Variants in NAV3 observed in about 807,000 individuals in gnomAD.
NAV3 encodes the protein pore membrane and/or filament interacting like protein 1.
In NAV3, 87 loss-of-function variants were observed where a neutral mutation model predicts 244.7. The observed-to-expected ratio is 0.36, with a 90% confidence interval of 0.30 to 0.42. The LOEUF is 0.42. Among genes scored for constraint, NAV3 ranks in the 20% least tolerant of loss-of-function variants. NAV3 has a pLI of 1.00. For synonymous variants in NAV3, 1,126 were observed against 1,042.2 expected (o/e 1.08, Z -1.55); for missense variants, 2,663 against 2,893.3 (o/e 0.92, Z 1.83).
intron 23 of NAV3, 75 bp from the exon 24 acceptor site, chr12:78,168,680 T>C (rs1184466591): frequency 5.3e-6 from 5 of 942,962 alleles, no homozygotes; most frequent in Non-Finnish European, 8.0e-6. Context: ...TCAAACCTTT[T>C]TAATTCAACT....
chr12:78,129,511 C>T (rs1956070502), intron 18 of NAV3, among the ~76,000 whole-genome samples: 1 of 152,068 alleles, frequency 6.6e-6, no homozygotes, highest in Non-Finnish European at 1.5e-5. Flanking sequence ...TTGTATTTAA[C>T]ATCATTTGTA....
At chr12:78,027,131 C>T (rs1305072973) in intron 9 of NAV3, among the ~76,000 whole-genome samples, 1 of 152,090 alleles carries the variant, frequency 6.6e-6, no homozygotes, top group Admixed American at 6.6e-5. Flanking sequence ...GATTTTAAGA[C>T]AGCACATTAG....
intron 2 of NAV3, among the ~76,000 whole-genome samples, chr12:77,771,110 A>T (rs1870058280): frequency 6.6e-6 from 1 of 152,246 alleles, no homozygotes; most frequent in Non-Finnish European, 1.5e-5. Context: ...GAAGGATATG[A>T]ACAGACACTT....
chr12:77,965,910 G>T (rs886559351), intron 3 of NAV3, among the ~76,000 whole-genome samples: 4 of 152,224 alleles, frequency 2.6e-5, no homozygotes, highest in African/African-American at 9.6e-5. Context: ...ATCTCAGTCT[G>T]TATGGATGCT....
intron 20 of NAV3, among the ~76,000 whole-genome samples, chr12:78,142,521 C>T (rs2139107519): frequency 6.6e-6 from 1 of 151,302 alleles, no homozygotes; most frequent in South Asian, 2.1e-4. Context: ...TTGGATAGTG[C>T]AAGTTTATAG....
chr12:77,697,993 ATGTT>A (rs1875389907), intron 2 of NAV3, among the ~76,000 whole-genome samples: 1 of 152,170 alleles, frequency 6.6e-6, no homozygotes, highest in South Asian at 2.1e-4. Context: ...GCAAGTTAGA[ATGTT>A]AGGTAAAGAA....
At chr12:77,691,412 A>G in intron 2 of NAV3, among the ~76,000 whole-genome samples, 1 of 140,128 alleles carries the variant, frequency 7.1e-6, no homozygotes, top group East Asian at 2.1e-4. Flanking sequence ...TTAACCAGAA[A>G]TTATTATTTA....
At chr12:78,210,221 C>T (rs1370060825) in intron 39 of NAV3, among the ~76,000 whole-genome samples, 177 bp from the exon 40 acceptor site, 3 of 152,090 alleles carry the variant, frequency 2.0e-5, no homozygotes, top group Non-Finnish European at 2.9e-5. Context: ...GTGTTGTAGT[C>T]ATGTTTGGGA....
chr12:78,189,678 T>A (rs1238503899), intron 33 of NAV3, among the ~76,000 whole-genome samples: 1 of 151,792 alleles, frequency 6.6e-6, no homozygotes, highest in East Asian at 1.9e-4. Flanking sequence ...AAAGATGTTA[T>A]GATAGCATTT....
At chr12:78,050,627 A>T in intron 10 of NAV3, 137 bp from the exon 11 acceptor site, 1 of 901,962 alleles carries the variant, frequency 1.1e-6, no homozygotes, top group Non-Finnish European at 1.7e-6. Flanking sequence ...CTCAAAATGA[A>T]TATAGAGTTT....
chr12:78,068,316 A>G (rs1435523845), intron 12 of NAV3, among the ~76,000 whole-genome samples: 1 of 151,668 alleles, frequency 6.6e-6, no homozygotes, highest in Non-Finnish European at 1.5e-5. Flanking sequence ...AATTTAGATA[A>G]AGGTTTTTAT....
chr12:78,159,972 G>C (rs1957458562), intron 23 of NAV3, among the ~76,000 whole-genome samples: 1 of 152,030 alleles, frequency 6.6e-6, no homozygotes, highest in Non-Finnish European at 1.5e-5. Context: ...CCAGCTATAG[G>C]GCATGGCTGT....
chr12:77,946,237 G>A (rs1046710633), intron 3 of NAV3, among the ~76,000 whole-genome samples: 14 of 114,528 alleles, frequency 1.2e-4, no homozygotes, highest in South Asian at 7.0e-4. Flanking sequence ...ATATATGTGC[G>A]TATGTGTGTG....
chr12:77,816,072 G>GA (rs1018204125), intron 2 of NAV3, among the ~76,000 whole-genome samples: 2 of 152,064 alleles, frequency 1.3e-5, no homozygotes, highest in African/African-American at 2.4e-5. Flanking sequence ...AGCCTGATGG[G>GA]AAAAAAATTA....
chr12:77,698,983 A>G (rs1239864075), intron 2 of NAV3, among the ~76,000 whole-genome samples: 1 of 152,284 alleles, frequency 6.6e-6, no homozygotes, highest in Non-Finnish European at 1.5e-5. Context: ...CATAGTCTGA[A>G]TATTCTAAAT....
At chr12:78,090,302 A>C (rs1953859471) in intron 12 of NAV3, among the ~76,000 whole-genome samples, 1 of 149,416 alleles carries the variant, frequency 6.7e-6, no homozygotes, top group Non-Finnish European at 1.5e-5. Flanking sequence ...TCCTATACAC[A>C]TGTTTCTTTG....
chr12:78,082,737 T>C (rs990540207), intron 12 of NAV3, among the ~76,000 whole-genome samples: 5 of 152,350 alleles, frequency 3.3e-5, no homozygotes, highest in African/African-American at 1.2e-4. Context: ...ATGTTTTTAA[T>C]TTCTTCCCAA....
rs138183908 is a variant in NAV3 at position 77,923,252 on chromosome 12, A to G, written c.244-17067A>G. 3.0e-3 allele frequency among the ~76,000 whole-genome samples: 457 copies of G among 152,232 alleles called. 1 individual carries two copies. Among genetic ancestry groups the G allele is most frequent in the African/African-American group, 0.011 (439 of 41,570 alleles). On this transcript the variant is annotated intron_variant, in intron 1 of 39. Transcript: ENST00000397909. ...TTAAGAAATAAAAAGCACATTTTCT[A>G]TCGCTCCAGTATTCTACCAGCTTGA... is the stretch of plus-strand genomic sequence containing the variant.
chr12:78,204,903 A>C (rs181083243), intron 38 of NAV3, 32 bp from the exon 39 acceptor site: 1 of 1,601,414 alleles, frequency 6.2e-7, no homozygotes, highest in Admixed American at 1.7e-5. Context: ...AATGCATTTT[A>C]TATATATCCT....
Sources: gnomAD v4.1 joint callset for allele counts (sites outside exome capture counted in the v4.1 genomes callset) on GRCh38, gnomAD v4.1.1 for gene constraint, MANE v1.5 for transcripts, NCBI Gene and HGNC (gene_info 2026-07-23, HGNC 2026-07-21) for gene names.